Variants in GGA2 observed in about 807,000 individuals in gnomAD.
The protein encoded by GGA2 is ADP-ribosylation factor-binding protein GGA2.
Under a neutral mutation model 79.5 loss-of-function variants are expected in GGA2, and 48 were observed. The observed-to-expected ratio is 0.60, with a 90% CI of 0.48 to 0.77. The LOEUF is 0.77. Ranked by LOEUF, GGA2 falls within the 30% of genes least tolerant of loss-of-function variation. The pLI is 0.00. For synonymous variants in GGA2, 317 were observed against 302.0 expected, an observed-to-expected ratio of 1.05 and a Z score of -0.51; for missense variants, 770 against 774.0, an observed-to-expected ratio of 0.99 and a Z score of 0.06.
intron 1 of GGA2, among the ~76,000 whole-genome samples, chr16:23,504,161 T>C (rs966886830): frequency 7.3e-5 from 11 of 151,380 alleles, no homozygotes; most frequent in African/African-American, 2.7e-4. Context: ...GGCACGATCA[T>C]CTACACCATT....
chr16:23,493,676 G>C, intron 3 of GGA2: 1 of 526,516 alleles, frequency 1.9e-6, no homozygotes, highest in Non-Finnish European at 3.4e-6. Flanking sequence ...TTTATGCCCA[G>C]GAAATAGCTT....
intron 7 of GGA2, among the ~76,000 whole-genome samples, 180 bp from the exon 8 acceptor site, chr16:23,486,332 G>A (rs1964712615): frequency 6.6e-6 from 1 of 152,172 alleles, no homozygotes; most frequent in Non-Finnish European, 1.5e-5. Flanking sequence ...AGTTCCTGGG[G>A]AGGAAAATGC....
rs202188100 is a variant in GGA2, at chr16:23,470,135, C to T, written c.1481G>A (p.Arg494Gln). 65 of 1,605,898 alleles carry T rather than the reference C, an allele frequency of 4.0e-5. No individual in the cohort carries two copies. In the Middle Eastern group the frequency reaches 5.1e-4, roughly 12 times the overall value. Residue 494 changes from arginine (R) to glutamine (Q), a missense_variant, in exon 15 of 17, where the codon CGG becomes CAG. Transcript: ENST00000309859. ...GTGGAGCAGAATTCTGAATCCATTCCGGTCATACACAATGAGAGGCGGCAG... is the reference window on the plus strand; with the variant it reads ...GTGGAGCAGAATTCTGAATCCATTCTGGTCATACACAATGAGAGGCGGCAG... ...SSLPPLIVYD[R>Q]NGFRILLHFS... is the part of the protein sequence containing the mutation.
chr16:23,520,197 G>A (rs1965128242), intron 1 of GGA2, among the ~76,000 whole-genome samples: 1 of 147,848 alleles, frequency 6.8e-6, no homozygotes, highest in South Asian at 2.1e-4. Context: ...AGGTTTCAGT[G>A]AGCCAAGATC....
chr16:23,486,697 G>C lies in GGA2; in HGVS notation c.660+13C>G, dbSNP rs745850084. On this transcript the variant is annotated intron_variant, in intron 7 of 16. Coordinates refer to ENST00000309859, the MANE Select transcript of GGA2 (RefSeq NM_015044.4). ...AATGCTACTTCTACTGAACCAACTG[G>C]AAGAATGCCCACCTCCTTGACCAAA... The C allele has an allele frequency of 1.3e-6, 2 of 1,504,534 alleles. No homozygotes were observed. The highest frequency in any genetic ancestry group is 1.9e-6 in the Non-Finnish European group (2 of 1,079,820). 93.2% of individuals were successfully genotyped at this position (1,504,534 alleles called of 1,614,324 possible).
chr16:23,492,863 G>T lies in GGA2; in HGVS notation c.351+497C>A, dbSNP rs1344800091. 2.0e-5 allele frequency among the ~76,000 whole-genome samples: 3 copies of T among 152,110 alleles called. No homozygotes were observed. In the South Asian group the frequency reaches 6.2e-4, roughly 31 times the overall value. On this transcript the variant is annotated intron_variant, in intron 4 of 16. Transcript: ENST00000309859. ...ACTGAGCCCTCACTGCGTGGGGTCC[G>T]GGTAGCATGCAACTCAGGGGAGTGT...
chr16:23,507,024 T>TC (rs1298566656), intron 1 of GGA2, among the ~76,000 whole-genome samples: 1 of 151,838 alleles, frequency 6.6e-6, no homozygotes, highest in Non-Finnish European at 1.5e-5. Flanking sequence ...GGCTCACATG[T>TC]CCCCCTCTCC....
At chr16:23,491,876 T>G (rs1964793219) in intron 4 of GGA2, 76 bp from the exon 5 acceptor site, 1 of 1,016,642 alleles carries the variant, frequency 9.8e-7, no homozygotes, top group African/African-American at 1.6e-5. Context: ...AAGAGGTAGC[T>G]GCTGAGGCCC....
intron 14 of GGA2, among the ~76,000 whole-genome samples, chr16:23,470,747 T>TCAAACAAACAAA (rs34615748): frequency 2.0e-5 from 3 of 146,784 alleles, no homozygotes; most frequent in Admixed American, 6.9e-5. Flanking sequence ...AGACTCTGTC[T>TCAAACAAACAAA]CAAACAAACA....
upstream of GGA2, among the ~76,000 whole-genome samples, chr16:23,514,981 G>A (rs1219968180): frequency 6.6e-6 from 1 of 152,096 alleles, no homozygotes; most frequent in Non-Finnish European, 1.5e-5. Context: ...TGATGGTCTG[G>A]AGACCACAAC....
Position 23,493,475 on chromosome 16 carries a change from C to A in GGA2, c.253-17G>T, listed in dbSNP as rs759661428. ...CTCCAGCACCTGCACAGACACAGGACCCCCAGGAGAAGGTGGAAAGCCAGT... is the reference window on the plus strand; with the variant it reads ...CTCCAGCACCTGCACAGACACAGGAACCCCAGGAGAAGGTGGAAAGCCAGT... On this transcript the variant is annotated splice_polypyrimidine_tract_variant and intron_variant, in intron 3 of 16. Coordinates refer to ENST00000309859, the MANE Select transcript of GGA2 (RefSeq NM_015044.4). The A allele has an allele frequency of 2.6e-6, 4 of 1,521,676 alleles. No individual in the cohort carries two copies. The South Asian group carries it at 3.4e-5, about 13-fold the overall frequency. The allele number at this position is 1,521,676 out of a possible 1,614,324, so 94.3% of individuals were successfully genotyped here.
intron 1 of GGA2, among the ~76,000 whole-genome samples, chr16:23,520,429 TGCTGC>T (rs1284232848): frequency 6.6e-6 from 1 of 152,146 alleles, no homozygotes; most frequent in African/African-American, 2.4e-5. Context: ...TGCCCTTCAC[TGCTGC>T]ACTATACCCT....
chr16:23,498,234 C>T (rs1183785499), intron 1 of GGA2, among the ~76,000 whole-genome samples: 1 of 151,320 alleles, frequency 6.6e-6, no homozygotes, highest in Non-Finnish European at 1.5e-5. Flanking sequence ...GAGCTGAGAT[C>T]GTGACACTGC....
chr16:23,499,009 G>C (rs532925157), intron 1 of GGA2, among the ~76,000 whole-genome samples: 96 of 152,230 alleles, frequency 6.3e-4, no homozygotes, highest in African/African-American at 2.2e-3. Context: ...GGCAGGAAGA[G>C]AACAGGGGGA....
chr16:23,495,514 C>T, intron 2 of GGA2, 180 bp downstream of exon 2: 1 of 397,732 alleles, frequency 2.5e-6, no homozygotes, highest in Non-Finnish European at 4.5e-6. Context: ...CCAGGCAGGT[C>T]TCAAACTCCT....
Position 23,478,426 on chromosome 16 carries a change from G to A in GGA2, c.1234C>T (p.Pro412Ser). Reference protein sequence around the residue: ...STLPGGGVQNPSADRNLLDLL... With the variant: ...STLPGGGVQNSSADRNLLDLL... The stretch of plus-strand genomic sequence containing the variant: ...TCCAGCAAATTCCTGTCTGCAGAAG[G>A]GTTCTGAACACCACCGCCTGGCAGC... Residue 412 changes from proline (P) to serine (S), a missense_variant, in exon 13 of 17, where the codon CCT becomes TCT. Pro to Ser is a moderately conservative substitution (Grantham distance 74). Transcript: ENST00000309859. 6.2e-7 allele frequency: 1 copy of A among 1,611,452 alleles called. No individual in the cohort carries two copies. Among genetic ancestry groups the A allele is most frequent in the Non-Finnish European group, 8.5e-7 (1 of 1,178,092 alleles).
At position 23,510,431 on chromosome 16, in the gene GGA2, C is replaced by CTA; in HGVS notation, c.-21_-20insTA. 1.0e-6 allele frequency: 1 copy of CTA among 971,566 alleles called. No individual in the cohort carries two copies. Among genetic ancestry groups the CTA allele is most frequent in the Non-Finnish European group, 1.4e-6 (1 of 732,528 alleles). The allele number at this position is 971,566 out of a possible 1,614,324, so 60.2% of individuals were successfully genotyped here. A position where few individuals can be genotyped will look rare whatever the true frequency, so the allele number is the denominator to read the frequency against. Reference sequence around the variant, plus strand: ...CGCCATCGCTCCAGCCCCGACGCTGCGGCCGCGGGCGCCACTGCCTCTTCA... The same window carrying CTA: ...CGCCATCGCTCCAGCCCCGACGCTGCTAGGCCGCGGGCGCCACTGCCTCTTCA... On this transcript the variant is annotated 5_prime_UTR_variant, in exon 1 of 17. Coordinates refer to ENST00000309859, the MANE Select transcript of GGA2 (RefSeq NM_015044.4).
Position 23,465,496 on chromosome 16 carries a change from A to G in GGA2, c.*2094T>C. 1 of 693,102 alleles carries G rather than the reference A, an allele frequency of 1.4e-6. No homozygotes were observed. Among genetic ancestry groups the G allele is most frequent in the Non-Finnish European group, 2.6e-6 (1 of 379,610 alleles). The allele number at this position is 693,102 out of a possible 1,614,324, so 42.9% of individuals were successfully genotyped here. On this transcript the variant is annotated 3_prime_UTR_variant, in exon 17 of 17. Transcript: ENST00000309859. ...CAAAAGCAAGAATGTTCAGGTACAC[A>G]TGTGTGAGTTCACCTCCTAACTATA...
chr16:23,500,993 C>G (rs926807947), intron 1 of GGA2: 3 of 324,114 alleles, frequency 9.3e-6, no homozygotes, highest in South Asian at 7.8e-5. Flanking sequence ...GAACAGTCAG[C>G]CAGCCTGATC....
Sources: gnomAD v4.1 joint callset for allele counts (sites outside exome capture counted in the v4.1 genomes callset) on GRCh38, gnomAD v4.1.1 for gene constraint, MANE v1.5 for transcripts, NCBI Gene and HGNC (gene_info 2026-07-23, HGNC 2026-07-21) for gene names.